KCNIP1: variants seen among roughly 807,000 people sequenced by gnomAD.
The protein encoded by KCNIP1 is potassium voltage-gated channel interacting protein 1.
A neutral mutation model predicts 33.0 loss-of-function variants in KCNIP1; 18 were observed. The observed-to-expected ratio is 0.55, with a 90% CI of 0.38 to 0.81. KCNIP1 has a LOEUF of 0.81. Among genes scored for constraint, KCNIP1 ranks in the 30% least tolerant of loss-of-function variants. The probability of loss-of-function intolerance (pLI) is 0.00; values close to 1 mark genes in which losing one functional copy is unlikely to be tolerated. For synonymous variants in KCNIP1, 93 were observed against 98.3 expected (o/e 0.95, Z 0.32); for missense variants, 238 against 271.6 (o/e 0.88, Z 0.87).
chr5:170,519,602 T>C (rs187200468), intron 1 of KCNIP1, among the ~76,000 whole-genome samples: 1 of 152,256 alleles, frequency 6.6e-6, no homozygotes, highest in Admixed American at 6.5e-5. Flanking sequence ...GGAGGGAATT[T>C]GTCTCCGAGG....
Position 170,605,263 on chromosome 5 carries a change from G to A in KCNIP1, c.61+100630G>A, listed in dbSNP as rs150616161. On this transcript the variant is annotated intron_variant, in intron 1 of 7. Transcript: ENST00000328939. The stretch of plus-strand genomic sequence containing the variant: ...TGAGTCCCTCTGTCCTCACTATGAC[G>A]GCTGGTCTGGGAACCCCTCTGGCCC... Among the ~76,000 whole-genome samples, 317 of 152,150 alleles carry A rather than the reference G, an allele frequency of 2.1e-3. 3 individuals are homozygous for A. Among genetic ancestry groups the A allele is most frequent in the South Asian group, 5.6e-3 (27 of 4,802 alleles).
intron 1 of KCNIP1, among the ~76,000 whole-genome samples, chr5:170,457,739 G>A (rs1032317705): frequency 6.6e-6 from 1 of 152,158 alleles, no homozygotes; most frequent in Non-Finnish European, 1.5e-5. Flanking sequence ...CTACACAAAT[G>A]AGGAGGAACC....
chr5:170,441,212 T>A (rs544101373), intron 1 of KCNIP1, among the ~76,000 whole-genome samples: 1 of 152,322 alleles, frequency 6.6e-6, no homozygotes. Flanking sequence ...GGATCAGAAC[T>A]CAAAGCCCCT....
chr5:170,585,618 C>T (rs574090303), intron 1 of KCNIP1, among the ~76,000 whole-genome samples: 142 of 152,290 alleles, frequency 9.3e-4, no homozygotes, highest in Admixed American at 2.4e-3. Context: ...CCCCCCGCCC[C>T]GGAAATGGTT....
At chr5:170,668,908 C>T (rs1234634483) in intron 1 of KCNIP1, among the ~76,000 whole-genome samples, 1 of 152,204 alleles carries the variant, frequency 6.6e-6, no homozygotes, top group Non-Finnish European at 1.5e-5. Flanking sequence ...CTAGGCCACC[C>T]TCTGAGTGGG....
intron 1 of KCNIP1, among the ~76,000 whole-genome samples, chr5:170,607,855 G>A (rs964964462): frequency 2.6e-5 from 4 of 152,206 alleles, no homozygotes; most frequent in Non-Finnish European, 5.9e-5. Flanking sequence ...CACAGGATGT[G>A]TGACGAGAAA....
intron 1 of KCNIP1, among the ~76,000 whole-genome samples, chr5:170,460,920 C>G (rs1267684659): frequency 6.6e-6 from 1 of 152,188 alleles, no homozygotes; most frequent in Non-Finnish European, 1.5e-5. Context: ...AAGATGCCTC[C>G]AGAAAGCTCC....
chr5:170,497,976 G>A (rs889227287), intron 1 of KCNIP1, among the ~76,000 whole-genome samples: 2 of 152,222 alleles, frequency 1.3e-5, no homozygotes, highest in East Asian at 1.9e-4. Context: ...CGGCTTCCCC[G>A]GCTTCCGCTG....
At chr5:170,726,244 G>T (rs1419029800) in intron 5 of KCNIP1, among the ~76,000 whole-genome samples, 1 of 151,974 alleles carries the variant, frequency 6.6e-6, no homozygotes, top group African/African-American at 2.4e-5. Flanking sequence ...CCAATATAAA[G>T]ACTGGCATCC....
intron 1 of KCNIP1, chr5:170,561,227 C>T (rs1462731421): frequency 2.4e-6 from 1 of 413,784 alleles, no homozygotes; most frequent in African/African-American, 2.0e-5. Context: ...ATTAGAAAGT[C>T]CCCGCTCTGC....
chr5:170,580,819 G>A (rs1416600002), intron 1 of KCNIP1, among the ~76,000 whole-genome samples: 1 of 151,850 alleles, frequency 6.6e-6, no homozygotes, highest in Non-Finnish European at 1.5e-5. Flanking sequence ...AAGGCCTAAT[G>A]AGGTGAATTA....
At chr5:170,383,373 G>T (rs1764330305) in intron 1 of KCNIP1, 1 of 594,738 alleles carries the variant, frequency 1.7e-6, no homozygotes, top group African/African-American at 1.9e-5. Context: ...TTTATATACA[G>T]CGTCTCTGAC....
chr5:170,712,709 C>G (rs760688822), intron 1 of KCNIP1: 28 of 797,158 alleles, frequency 3.5e-5, no homozygotes, highest in Middle Eastern at 2.2e-4. Context: ...GAGCTCAGCT[C>G]CAGCTCTGCT....
At chr5:170,649,377 A>G (rs1475875690) in intron 1 of KCNIP1, among the ~76,000 whole-genome samples, 1 of 152,092 alleles carries the variant, frequency 6.6e-6, no homozygotes, top group African/African-American at 2.4e-5. Flanking sequence ...AGAATATTTT[A>G]TTTTGCCTGC....
chr5:170,445,696 C>T (rs567199164), intron 1 of KCNIP1, among the ~76,000 whole-genome samples: 5 of 152,264 alleles, frequency 3.3e-5, no homozygotes, highest in South Asian at 2.1e-4. Flanking sequence ...TCAGCCTTCC[C>T]GAATTTCATC....
chr5:170,504,474 T>C lies in KCNIP1; in HGVS notation c.-99T>C. On this transcript the variant is annotated 5_prime_UTR_variant, in exon 1 of 8. Transcript: ENST00000328939. This position sits in a 1 kb window ranked among gnomAD's most constrained non-coding sequence, Gnocchi z 6.0. ...GCAGGCGAGCTGCCGGGCGCTTTTC[T>C]CTCCTCCAATTCAGAGTAGACAAAC... is the stretch of plus-strand genomic sequence containing the variant. 2.5e-6 allele frequency: 4 copies of C among 1,577,820 alleles called. No homozygotes were observed. The highest frequency in any genetic ancestry group is 3.4e-6 in the Non-Finnish European group (4 of 1,168,986).
intron 1 of KCNIP1, among the ~76,000 whole-genome samples, chr5:170,593,689 A>G (rs1203834662): frequency 6.6e-6 from 1 of 152,212 alleles, no homozygotes; most frequent in Non-Finnish European, 1.5e-5. Flanking sequence ...ACAATCCCTC[A>G]TTAAGCGAGA....
chr5:170,412,218 AC>A (rs1755212284), intron 1 of KCNIP1, among the ~76,000 whole-genome samples: 1 of 124,540 alleles, frequency 8.0e-6, no homozygotes. Flanking sequence ...CAGTCAGATG[AC>A]CTTCCTTGGC....
intron 1 of KCNIP1, chr5:170,420,340 G>A (rs190519191): frequency 1.1e-4 from 16 of 152,182 alleles, no homozygotes; most frequent in African/African-American, 3.9e-4. Context: ...GCAAATATAT[G>A]TTCTCTTCTT....
Sources: allele counts gnomAD v4.1 joint callset (sites outside exome capture counted in the v4.1 genomes callset), GRCh38; gene constraint gnomAD v4.1.1; non-coding constraint Gnocchi (gnomAD v3.1); transcripts MANE v1.5; gene names NCBI Gene and HGNC (gene_info 2026-07-23, HGNC 2026-07-21).